C8orf34: variants seen among roughly 807,000 people sequenced by gnomAD.
C8orf34 encodes the protein chromosome 8 open reading frame 34, also known as uncharacterized protein C8orf34.
A neutral mutation model predicts 68.3 loss-of-function variants in C8orf34; 65 were observed. The ratio of observed to expected loss-of-function variants is 0.95; its 90% confidence interval spans 0.78 to 1.17. C8orf34 has a LOEUF of 1.17. Ranked by LOEUF, C8orf34 falls within the 50% of genes most tolerant of loss-of-function variation. The pLI, the probability that C8orf34 is intolerant of heterozygous loss-of-function variation, is 0.00. For synonymous variants in C8orf34, 244 were observed against 241.2 expected (o/e 1.01, Z -0.11); for missense variants, 664 against 655.4 (o/e 1.01, Z -0.14).
In C8orf34 at chr8:68,436,425, C is replaced by T. The variant is rs544984647; in HGVS notation, c.328-3074C>T. Among the ~76,000 whole-genome samples the T allele has an allele frequency of 7.2e-5, 11 of 152,218 alleles. No homozygotes were observed. In the East Asian group the frequency reaches 1.7e-3, roughly 24 times the overall value. ...ACTAGCCTGTGAGTGCACAGAGTAT[C>T]GTATTAAAATTAACACCTACATTTT... On this transcript the variant is annotated intron_variant, in intron 1 of 13. Coordinates refer to ENST00000518698, the MANE Select transcript of C8orf34 (RefSeq NM_052958.4).
intron 10 of C8orf34, among the ~76,000 whole-genome samples, chr8:68,732,417 A>G (rs1239493455): frequency 1.3e-5 from 2 of 152,236 alleles, no homozygotes; most frequent in East Asian, 3.9e-4. Context: ...ACATATATTT[A>G]TTAGACTTTT....
At chr8:68,432,324 T>C (rs1431541847) in intron 1 of C8orf34, among the ~76,000 whole-genome samples, 1 of 152,016 alleles carries the variant, frequency 6.6e-6, no homozygotes, top group African/African-American at 2.4e-5. Flanking sequence ...TTTATTTATT[T>C]TTTGAAACAG....
chr8:68,497,132 A>G lies in C8orf34; in HGVS notation c.765+9081A>G, dbSNP rs567257904. Among the ~76,000 whole-genome samples, 8 of 152,318 alleles carry G rather than the reference A, an allele frequency of 5.3e-5. 1 individual carries two copies. The South Asian group carries it at 1.7e-3, about 32-fold the overall frequency. On this transcript the variant is annotated intron_variant, in intron 5 of 13. Coordinates refer to ENST00000518698, the MANE Select transcript of C8orf34 (RefSeq NM_052958.4). ...AAAATATTTGCAGTTTATATCACAGACAGAACTTAATATTTCTAATTGTAG... is the reference window on the plus strand; with the variant it reads ...AAAATATTTGCAGTTTATATCACAGGCAGAACTTAATATTTCTAATTGTAG...
intron 7 of C8orf34, among the ~76,000 whole-genome samples, chr8:68,590,267 GA>G (rs1817347582): frequency 6.6e-6 from 1 of 151,546 alleles, no homozygotes. Flanking sequence ...AAAGATGGAG[GA>G]AGGAAAGAAA....
intron 6 of C8orf34, chr8:68,525,635 T>G: frequency 1.4e-6 from 1 of 733,450 alleles, no homozygotes; most frequent in Non-Finnish European, 2.5e-6. Flanking sequence ...TGGGAGCAGA[T>G]TATGCTGCCA....
chr8:68,774,973 T>G (rs1585863782), intron 10 of C8orf34, among the ~76,000 whole-genome samples: 4 of 78,948 alleles, frequency 5.1e-5, no homozygotes, highest in Admixed American at 1.1e-4. Context: ...AAAAATTAGC[T>G]GGGCGGGGTG....
rs1198876635 is a variant in C8orf34, at chr8:68,746,600, A to G, written c.1404+25163A>G. Among the ~76,000 whole-genome samples, 634 of 146,920 alleles carry G rather than the reference A, an allele frequency of 4.3e-3. 1 individual carries two copies. The highest frequency in any genetic ancestry group is 0.015 in the African/African-American group (593 of 39,020). ...ACAAACTACTATCAGAGAATACTAC[A>G]AACACCTCTACGCAAATAAACTAGA... On this transcript the variant is annotated intron_variant, in intron 10 of 13. Transcript: ENST00000518698.
intron 7 of C8orf34, among the ~76,000 whole-genome samples, chr8:68,618,399 T>A (rs1010236831): frequency 1.3e-5 from 2 of 152,212 alleles, no homozygotes; most frequent in African/African-American, 4.8e-5. Context: ...TCACCCAGGC[T>A]GGAGTGCAGT....
intron 5 of C8orf34, among the ~76,000 whole-genome samples, chr8:68,488,317 A>G (rs928673460): frequency 0.025 from 1 of 40 alleles, no homozygotes; most frequent in Non-Finnish European, 0.042. Context: ...ACTATATTGC[A>G]AAATAACTTC....
chr8:68,785,909 A>G (rs898726944), intron 11 of C8orf34, among the ~76,000 whole-genome samples: 14 of 152,228 alleles, frequency 9.2e-5, no homozygotes, highest in African/African-American at 3.1e-4. Flanking sequence ...CTTCTCCAGA[A>G]TTTGACATCA....
At chr8:68,497,339 CA>C (rs1438168861) in intron 5 of C8orf34, among the ~76,000 whole-genome samples, 1 of 152,156 alleles carries the variant, frequency 6.6e-6, no homozygotes, top group Non-Finnish European at 1.5e-5. Context: ...GGCAGATTAA[CA>C]AAAATCCCCA....
At chr8:68,379,119 T>G (rs745922151) in intron 1 of C8orf34, among the ~76,000 whole-genome samples, 1 of 152,212 alleles carries the variant, frequency 6.6e-6, no homozygotes, top group Non-Finnish European at 1.5e-5. Context: ...ATTACTTATA[T>G]TAATAAACTA....
chr8:68,629,457 G>T (rs1818626922), intron 7 of C8orf34, among the ~76,000 whole-genome samples: 1 of 152,078 alleles, frequency 6.6e-6, no homozygotes, highest in Admixed American at 6.6e-5. Context: ...ACTGCTTCCT[G>T]CCACATCTCC....
chr8:68,380,567 G>A (rs1377314774), intron 1 of C8orf34, among the ~76,000 whole-genome samples: 8 of 152,194 alleles, frequency 5.3e-5, no homozygotes, highest in Non-Finnish European at 1.0e-4. Context: ...ACTGTTGACA[G>A]GTTTTTTTAG....
intron 12 of C8orf34, among the ~76,000 whole-genome samples, chr8:68,814,702 T>C (rs1206867236): frequency 3.9e-5 from 6 of 152,216 alleles, no homozygotes; most frequent in African/African-American, 1.4e-4. Context: ...AGGGTGAAGA[T>C]AAGATTTAAA....
intron 8 of C8orf34, among the ~76,000 whole-genome samples, chr8:68,647,456 G>T (rs1219489271): frequency 6.6e-6 from 1 of 152,146 alleles, no homozygotes; most frequent in African/African-American, 2.4e-5. Context: ...TATATTTAAA[G>T]GAATTGAAAT....
chr8:68,352,902 A>G (rs1171580820), intron 1 of C8orf34, among the ~76,000 whole-genome samples: 1 of 152,146 alleles, frequency 6.6e-6, no homozygotes, highest in East Asian at 1.9e-4. Flanking sequence ...GCTGTTAAAA[A>G]GAATCAGATA....
chr8:68,700,146 C>T lies in C8orf34; in HGVS notation c.1242-8848C>T, dbSNP rs550571245. Among the ~76,000 whole-genome samples the T allele has an allele frequency of 1.5e-3, 234 of 152,016 alleles. 2 individuals are homozygous for T. The highest frequency in any genetic ancestry group is 5.3e-3 in the African/African-American group (219 of 41,498). The stretch of plus-strand genomic sequence containing the variant: ...AGCAAGAGTGCCTACCGACAAATAC[C>T]AAAAACCCAAAAACAAACAAACAAA... On this transcript the variant is annotated intron_variant, in intron 8 of 13. Coordinates refer to ENST00000518698, the MANE Select transcript of C8orf34 (RefSeq NM_052958.4).
chr8:68,455,580 A>G (rs1466398935), intron 3 of C8orf34, among the ~76,000 whole-genome samples: 2 of 152,056 alleles, frequency 1.3e-5, no homozygotes, highest in South Asian at 2.1e-4. Context: ...TAATATTTGC[A>G]TGGAATATCT....
Sources: allele counts gnomAD v4.1 joint callset (sites outside exome capture counted in the v4.1 genomes callset), GRCh38; gene constraint gnomAD v4.1.1; transcripts MANE v1.5; gene names NCBI Gene and HGNC (gene_info 2026-07-23, HGNC 2026-07-21).